PIP5K1A: variants seen among roughly 807,000 people sequenced by gnomAD.
PIP5K1A encodes the protein phosphatidylinositol 4-phosphate 5-kinase type-1 alpha.
Under a neutral mutation model 72.9 loss-of-function variants are expected in PIP5K1A, and 46 were observed. The ratio of observed to expected loss-of-function variants is 0.63; its 90% confidence interval spans 0.50 to 0.81. PIP5K1A has a LOEUF of 0.81. Among genes scored for constraint, PIP5K1A ranks in the 30% least tolerant of loss-of-function variants. The pLI, the probability that PIP5K1A is intolerant of heterozygous loss-of-function variation, is 0.00. For synonymous variants in PIP5K1A, 228 were observed against 255.1 expected, an observed-to-expected ratio of 0.89 and a Z score of 1.01; for missense variants, 458 against 706.1, an observed-to-expected ratio of 0.65 and a Z score of 3.98.
intron 1 of PIP5K1A, among the ~76,000 whole-genome samples, chr1:151,219,601 G>A (rs973786933): frequency 1.3e-5 from 2 of 152,048 alleles, no homozygotes; most frequent in African/African-American, 4.8e-5. Flanking sequence ...GGCTGAGGCA[G>A]GAGAATCTCT....
In PIP5K1A at chr1:151,227,573, C is replaced by A. The variant is rs149711560; in HGVS notation, c.237+173C>A. 3.6e-4 allele frequency among the ~76,000 whole-genome samples: 55 copies of A among 152,304 alleles called. 1 individual carries two copies. In the East Asian group the frequency reaches 8.9e-3, roughly 25 times the overall value. On this transcript the variant is annotated intron_variant, in intron 4 of 15. Coordinates refer to ENST00000368888, the MANE Select transcript of PIP5K1A (RefSeq NM_001135638.2). ...TATTTCTCAAAGGGTAAATTGTCTC[C>A]TTTTTGTATATGAATGTTTAAATGA... is the stretch of plus-strand genomic sequence containing the variant.
chr1:151,238,121 A>T, intron 9 of PIP5K1A, 61 bp from the exon 10 acceptor site: 1 of 1,033,830 alleles, frequency 9.7e-7, no homozygotes, highest in Non-Finnish European at 1.5e-6. Flanking sequence ...TCACTTCCCC[A>T]TCCTGATCTG....
At chr1:151,204,216 G>T (rs1685613354) in intron 1 of PIP5K1A, among the ~76,000 whole-genome samples, 3 of 152,036 alleles carry the variant, frequency 2.0e-5, no homozygotes, top group Admixed American at 2.0e-4. Context: ...CGCTCTTGTT[G>T]CCCTGGTTGG....
chr1:151,241,515 A>G (rs587670355), intron 12 of PIP5K1A, among the ~76,000 whole-genome samples: 57 of 151,878 alleles, frequency 3.8e-4, no homozygotes, highest in African/African-American at 1.3e-3. Flanking sequence ...AGAAAAAGAA[A>G]AAGGGGGCAG....
intron 1 of PIP5K1A, among the ~76,000 whole-genome samples, chr1:151,211,833 G>A (rs1446405293): frequency 6.6e-6 from 1 of 150,872 alleles, no homozygotes; most frequent in African/African-American, 2.4e-5. Context: ...GCCGGGTGCG[G>A]TGGCTCACGC....
intron 1 of PIP5K1A, among the ~76,000 whole-genome samples, chr1:151,205,070 C>T (rs1050081945): frequency 5.9e-5 from 9 of 152,122 alleles, no homozygotes; most frequent in African/African-American, 1.9e-4. Context: ...AAACTATAGC[C>T]TGTGAAGTGA....
At chr1:151,195,803 TTGAC>T (rs1684539660), upstream of PIP5K1A, among the ~76,000 whole-genome samples, 1 of 151,470 alleles carries the variant, frequency 6.6e-6, no homozygotes, top group African/African-American at 2.4e-5. Flanking sequence ...ATTCCTCTGT[TTGAC>T]TGCGTTGGTC....
chr1:151,243,616 G>C (rs1226234940), intron 14 of PIP5K1A, among the ~76,000 whole-genome samples: 2 of 152,172 alleles, frequency 1.3e-5, no homozygotes, highest in African/African-American at 4.8e-5. Context: ...CTACCCTCTA[G>C]ACTCTTGGTT....
intron 1 of PIP5K1A, among the ~76,000 whole-genome samples, chr1:151,203,822 CAAAA>C (rs587774732): frequency 1.2e-5 from 1 of 83,596 alleles, no homozygotes. Flanking sequence ...GACTCTGTCT[CAAAA>C]AAAAAAAAAA....
intron 1 of PIP5K1A, among the ~76,000 whole-genome samples, chr1:151,205,534 T>C (rs1188989502): frequency 6.6e-6 from 1 of 151,036 alleles, no homozygotes; most frequent in Non-Finnish European, 1.5e-5. Flanking sequence ...GAGCCGGGCA[T>C]GGTGACTCAC....
intron 1 of PIP5K1A, among the ~76,000 whole-genome samples, chr1:151,222,543 C>T (rs182795164): frequency 3.1e-4 from 47 of 152,158 alleles, no homozygotes; most frequent in Admixed American, 1.8e-3. Context: ...TCTTGTTTAA[C>T]TTTATTCAGT....
intron 1 of PIP5K1A, among the ~76,000 whole-genome samples, chr1:151,210,136 C>T (rs914742142): frequency 2.6e-5 from 4 of 151,428 alleles, no homozygotes; most frequent in East Asian, 2.0e-4. Context: ...TGCCTGCTTC[C>T]GCCTCCCAAA....
In PIP5K1A at chr1:151,241,067, G is replaced by A. The variant is rs747715618; in HGVS notation, c.1363+1028G>A. 5.8e-4 allele frequency among the ~76,000 whole-genome samples: 88 copies of A among 152,248 alleles called. 2 individuals carry two copies. Among genetic ancestry groups the A allele is most frequent in the Non-Finnish European group, 2.5e-4 (17 of 68,010 alleles). On this transcript the variant is annotated intron_variant, in intron 12 of 15. Coordinates refer to ENST00000368888, the MANE Select transcript of PIP5K1A (RefSeq NM_001135638.2). ...AATCTCAGCTACTCAGGAGGCTGAG[G>A]CAGGAGAATCACTTGAACACGGTAG...
chr1:151,199,843 A>G (rs587726536), intron 1 of PIP5K1A, among the ~76,000 whole-genome samples: 1 of 152,158 alleles, frequency 6.6e-6, no homozygotes, highest in African/African-American at 2.4e-5. Context: ...GAGGTAGGGA[A>G]TCGTGAATTT....
chr1:151,203,830 AAAAAAAG>A (rs1232693593), intron 1 of PIP5K1A, among the ~76,000 whole-genome samples: 3 of 151,908 alleles, frequency 2.0e-5, no homozygotes, highest in East Asian at 3.9e-4. Context: ...CTCAAAAAAA[AAAAAAAG>A]AAAAAAGAAA....
intron 1 of PIP5K1A, chr1:151,224,028 T>G: frequency 3.5e-6 from 2 of 565,138 alleles, no homozygotes; most frequent in Non-Finnish European, 6.3e-6. Context: ...AAGAAAGGGG[T>G]CTAGAATAAA....
At chr1:151,197,479 C>T (rs1379282379), upstream of PIP5K1A, among the ~76,000 whole-genome samples, 1 of 151,700 alleles carries the variant, frequency 6.6e-6, no homozygotes, top group Non-Finnish European at 1.5e-5. Flanking sequence ...CGGGGTTTCA[C>T]CGTGTTAGCC....
chr1:151,236,818 TTTC>T (rs1389283139), intron 9 of PIP5K1A, 55 bp downstream of exon 9: 17 of 1,007,190 alleles, frequency 1.7e-5, no homozygotes, highest in Admixed American at 3.1e-5. Flanking sequence ...GCACTTTTCT[TTTC>T]TTTTTTTTTT....
At chr1:151,211,786 A>G (rs1251127892) in intron 1 of PIP5K1A, among the ~76,000 whole-genome samples, 3 of 149,442 alleles carry the variant, frequency 2.0e-5, no homozygotes, top group African/African-American at 7.4e-5. Context: ...AGCCTGGGCG[A>G]CAGAGCAAGA....
Sources: allele counts gnomAD v4.1 joint callset (sites outside exome capture counted in the v4.1 genomes callset), GRCh38; gene constraint gnomAD v4.1.1; transcripts MANE v1.5; gene names NCBI Gene and HGNC (gene_info 2026-07-23, HGNC 2026-07-21).